Variants in PLS3 observed in about 807,000 individuals in gnomAD.
The protein encoded by PLS3 is plastin-3.
PLS3 carries 11 observed loss-of-function variants against 46.5 expected under a neutral mutation model. That is an observed-to-expected ratio of 0.24 (90% confidence interval 0.15 to 0.39). The LOEUF is 0.39. Ranked by LOEUF, PLS3 falls within the 10% of genes least tolerant of loss-of-function variation. The pLI is 1.00. For missense variants in PLS3, 308 were observed against 461.8 expected (o/e 0.67, Z 3.05); for synonymous variants, 167 against 162.2 (o/e 1.03, Z -0.22).
chrX:115,571,158 G>A (rs2074213116), intron 1 of PLS3, among the ~76,000 whole-genome samples: 1 of 110,587 alleles, frequency 9.0e-6, no homozygotes, highest in Admixed American at 9.6e-5. Context: ...CTCCCAAAGT[G>A]TTGGGATTAC....
chrX:115,591,516 CT>C (rs1379859116), intron 1 of PLS3, among the ~76,000 whole-genome samples: 1 of 111,701 alleles, frequency 9.0e-6, no homozygotes, highest in Non-Finnish European at 1.9e-5. Context: ...AATGATACTG[CT>C]ACATATCTGA....
At chrX:115,625,347 A>G (rs2074699826) in intron 3 of PLS3, among the ~76,000 whole-genome samples, 1 of 110,543 alleles carries the variant, frequency 9.0e-6, no homozygotes, top group Non-Finnish European at 1.9e-5. Context: ...ATGGCAAAAA[A>G]CAGTCCCAAA....
intron 1 of PLS3, among the ~76,000 whole-genome samples, chrX:115,574,754 T>C (rs782705636): frequency 4.5e-5 from 5 of 111,653 alleles, no homozygotes; most frequent in African/African-American, 1.3e-4. Flanking sequence ...TAATTTTGTA[T>C]TTTTAGTAGA....
chrX:115,577,502 G>A (rs1161839017), intron 1 of PLS3, among the ~76,000 whole-genome samples: 1 of 109,645 alleles, frequency 9.1e-6, no homozygotes, highest in African/African-American at 3.3e-5. Context: ...AATTGAGACG[G>A]AATCTTGCTC....
At chrX:115,626,286 CTTT>C (rs199906155) in intron 3 of PLS3, among the ~76,000 whole-genome samples, 1 of 101,541 alleles carries the variant, frequency 9.8e-6, no homozygotes, top group Non-Finnish European at 2.0e-5. Context: ...ATCATTTTTA[CTTT>C]TTTTTTTTTT....
At chrX:115,608,034 A>C (rs1556635617) in intron 1 of PLS3, among the ~76,000 whole-genome samples, 1 of 111,737 alleles carries the variant, frequency 8.9e-6, no homozygotes, top group Admixed American at 9.6e-5. Flanking sequence ...ATGCAAATGA[A>C]TTTGTATAAT....
At chrX:115,600,495 T>G (rs2074432333) in intron 1 of PLS3, among the ~76,000 whole-genome samples, 1 of 111,817 alleles carries the variant, frequency 8.9e-6, no homozygotes, top group Non-Finnish European at 1.9e-5. Flanking sequence ...AAGGTGAAGT[T>G]TAGACTGTTC....
At chrX:115,567,706 CTTCTTTTTT>C (rs1355018566) in intron 1 of PLS3, among the ~76,000 whole-genome samples, 107 of 96,855 alleles carry the variant, frequency 1.1e-3, no homozygotes, top group African/African-American at 4.2e-3. Context: ...TTCTTTTCTT[CTTCTTTTTT>C]TTTTTTTTTT....
At chrX:115,585,531 C>T (rs1556632308) in intron 1 of PLS3, among the ~76,000 whole-genome samples, 1 of 109,863 alleles carries the variant, frequency 9.1e-6, no homozygotes, top group Non-Finnish European at 1.9e-5. Flanking sequence ...GCTGGGATTA[C>T]AGGCACCCGC....
In PLS3 at chrX:115,646,541, G is replaced by A. The variant is rs1242627044; in HGVS notation, c.1511+6G>A. 4 of 1,206,135 alleles carry A rather than the reference G, an allele frequency of 3.3e-6. No homozygotes were observed. The South Asian group carries it at 5.4e-5, about 16-fold the overall frequency. ...GTCTGGCAGCTGATGAGAAGGTATAGTACACAATTTTAGCTGTTTAGTCTT... is the reference window on the plus strand; with the variant it reads ...GTCTGGCAGCTGATGAGAAGGTATAATACACAATTTTAGCTGTTTAGTCTT... On this transcript the variant is annotated splice_donor_region_variant and intron_variant, in intron 13 of 15. Transcript: ENST00000355899.
chrX:115,627,839 C>CT (rs1160823978), intron 3 of PLS3, among the ~76,000 whole-genome samples: 2 of 112,137 alleles, frequency 1.8e-5, no homozygotes, highest in East Asian at 5.6e-4. Context: ...TATGGAAATA[C>CT]TGAGTAAGCT....
At chrX:115,620,706 C>CTTTTTTTTTTTTTTT (rs1176959674) in intron 2 of PLS3, among the ~76,000 whole-genome samples, 56 of 54,712 alleles carry the variant, frequency 1.0e-3, no homozygotes, top group African/African-American at 1.7e-3. Context: ...TTTTTCTTTT[C>CTTTTTTTTTTTTTTT]TTTTTTTTTT....
chrX:115,609,410 A>T (rs1425748580), intron 1 of PLS3, among the ~76,000 whole-genome samples: 13 of 112,358 alleles, frequency 1.2e-4, no homozygotes, highest in African/African-American at 4.2e-4. Context: ...ATAATAATTG[A>T]GTACAATTTT....
At chrX:115,620,683 CTTTTTTCTTTTTTTTTTCTTTTCTTTTTT>C (rs2074640510) in intron 2 of PLS3, among the ~76,000 whole-genome samples, 1 of 84,499 alleles carries the variant, frequency 1.2e-5, no homozygotes, top group Non-Finnish European at 2.4e-5. Context: ...ACCCCTTATG[CTTTTTTCTTTTTTTTTTCTTTTCTTTTTT>C]TTTTTTTTTT....
chrX:115,650,465 T>C lies in PLS3; in HGVS notation c.*904T>C, dbSNP rs1556642395. On this transcript the variant is annotated 3_prime_UTR_variant, in exon 16 of 16. Coordinates refer to ENST00000355899, the MANE Select transcript of PLS3 (RefSeq NM_005032.7). ...TAGACGGGATTTGGTAGGCCAAGTA[T>C]GCTAAGTGTACAATATATTTTTTAA... 1.8e-5 allele frequency: 2 copies of C among 112,243 alleles called. No homozygotes were observed. 9.3% of individuals were successfully genotyped at this position (112,243 alleles called of 1,213,427 possible). A position where few individuals can be genotyped will look rare whatever the true frequency, so the allele number is the denominator to read the frequency against.
At chrX:115,626,527 G>A (rs782211984) in intron 3 of PLS3, among the ~76,000 whole-genome samples, 204 of 110,369 alleles carry the variant, frequency 1.8e-3, no homozygotes, top group African/African-American at 6.3e-3. Flanking sequence ...CAAACCATCC[G>A]CCCACCTTGG....
In PLS3 at chrX:115,618,536, T is replaced by C. The variant is rs782529140; in HGVS notation, c.74-3710T>C. Among the ~76,000 whole-genome samples the C allele has an allele frequency of 3.6e-5, 4 of 111,428 alleles. No individual in the cohort carries two copies. The East Asian group carries it at 1.1e-3, about 32-fold the overall frequency. ...AGGATTTCAAGGCTGCAGTGAGCTA[T>C]GATTGTGCCACTGTACTCCAGCCTG... On this transcript the variant is annotated intron_variant, in intron 2 of 15. Coordinates refer to ENST00000355899, the MANE Select transcript of PLS3 (RefSeq NM_005032.7).
chrX:115,615,000 C>A (rs1232391015), intron 2 of PLS3, among the ~76,000 whole-genome samples: 7 of 110,933 alleles, frequency 6.3e-5, no homozygotes, highest in Non-Finnish European at 1.1e-4. Flanking sequence ...AAGAAAGACA[C>A]CAGATTTAGA....
chrX:115,632,369 A>C (rs1556639547), intron 5 of PLS3, among the ~76,000 whole-genome samples: 2 of 110,427 alleles, frequency 1.8e-5, no homozygotes, highest in Non-Finnish European at 3.8e-5. Flanking sequence ...CTGAGGTTGG[A>C]GGATCCCTTG....
Sources: gnomAD v4.1 joint callset for allele counts (sites outside exome capture counted in the v4.1 genomes callset) on GRCh38, gnomAD v4.1.1 for gene constraint, MANE v1.5 for transcripts, NCBI Gene and HGNC (gene_info 2026-07-23, HGNC 2026-07-21) for gene names.